KAT6B: variants seen among roughly 807,000 people sequenced by gnomAD.
The protein encoded by KAT6B is histone acetyltransferase KAT6B.
Under a neutral mutation model 187.5 loss-of-function variants are expected in KAT6B, and 10 were observed. That is an observed-to-expected ratio of 0.05 (90% confidence interval 0.03 to 0.09). KAT6B has a LOEUF of 0.09. Ranked by LOEUF, KAT6B falls within the 10% of genes least tolerant of loss-of-function variation. The pLI is 1.00. For synonymous variants in KAT6B, 861 were observed against 926.8 expected (o/e 0.93, Z 1.29); for missense variants, 1,952 against 2,558.9 (o/e 0.76, Z 5.12).
chr10:75,013,161 C>T (rs1443640435), intron 13 of KAT6B, among the ~76,000 whole-genome samples: 4 of 152,108 alleles, frequency 2.6e-5, no homozygotes, highest in Admixed American at 6.6e-5. Flanking sequence ...ATATTTGAGT[C>T]TTTCATCTGT....
Position 75,028,942 on chromosome 10 carries a change from AAGG to A in KAT6B, c.4126_4128del (p.Gly1376del). 7 of 1,612,526 alleles carry A rather than the reference AAGG, an allele frequency of 4.3e-6. No homozygotes were observed. Among genetic ancestry groups the A allele is most frequent in the Non-Finnish European group, 5.9e-6 (7 of 1,179,050 alleles). On this transcript the variant is annotated inframe_deletion, in exon 18 of 18. Coordinates refer to ENST00000287239, the MANE Select transcript of KAT6B (RefSeq NM_012330.4). ...GAAGAAGAGGAAGGGGAAGAAGAAGAAGGAGGAGGAAATGTAGAAAAAGATCCA... is the reference window on the plus strand; with the variant it reads ...GAAGAAGAGGAAGGGGAAGAAGAAGAAGGAGGAAATGTAGAAAAAGATCCA...
chr10:74,985,536 C>T (rs1376993033), intron 12 of KAT6B, among the ~76,000 whole-genome samples: 1 of 152,156 alleles, frequency 6.6e-6, no homozygotes, highest in African/African-American at 2.4e-5. Flanking sequence ...TCCGTTTTCC[C>T]TTTAAGTGGT....
chr10:74,881,188 G>A (rs1844827841), intron 3 of KAT6B, among the ~76,000 whole-genome samples: 1 of 152,160 alleles, frequency 6.6e-6, no homozygotes, highest in Admixed American at 6.5e-5. Context: ...GGGATTATAG[G>A]TGTGAGCCAC....
intron 1 of KAT6B, among the ~76,000 whole-genome samples, chr10:74,830,752 A>ATATATATATATATATATATATATG (rs1840728396): frequency 1.3e-4 from 3 of 22,530 alleles, no homozygotes; most frequent in African/African-American, 9.8e-4. Context: ...ATATATATAT[A>ATATATATATATATATATATATATG]TATATATATA....
chr10:74,971,000 A>C (rs1841814357), intron 6 of KAT6B, among the ~76,000 whole-genome samples: 1 of 152,142 alleles, frequency 6.6e-6, no homozygotes. Flanking sequence ...TTGGTACAAT[A>C]TTTTTACAAG....
intron 3 of KAT6B, among the ~76,000 whole-genome samples, chr10:74,914,424 A>G (rs2132965065): frequency 6.6e-6 from 1 of 152,312 alleles, no homozygotes; most frequent in African/African-American, 2.4e-5. Context: ...AGCTTTCAAC[A>G]TAATTTTTTC....
chr10:74,885,466 G>T (rs1340913890), intron 3 of KAT6B, among the ~76,000 whole-genome samples: 4 of 152,128 alleles, frequency 2.6e-5, no homozygotes, highest in African/African-American at 9.7e-5. Flanking sequence ...GTTGATATTG[G>T]ATAATATTGC....
intron 3 of KAT6B, 41 bp downstream of exon 3, chr10:74,843,519 C>G (rs762366248): frequency 1.2e-6 from 2 of 1,609,446 alleles, no homozygotes; most frequent in Non-Finnish European, 1.7e-6. Context: ...CACTACTGTC[C>G]TTTTGTCTTT....
intron 4 of KAT6B, among the ~76,000 whole-genome samples, chr10:74,967,568 T>TAGA (rs1841567126): frequency 6.6e-6 from 1 of 152,190 alleles, no homozygotes; most frequent in African/African-American, 2.4e-5. Context: ...CATAGAAATT[T>TAGA]AGAACTGTAA....
At position 75,022,187 on chromosome 10, in the gene KAT6B, C is replaced by T. The variant is rs761917382; in HGVS notation, c.3328C>T (p.Pro1110Ser). 5 of 1,613,266 alleles carry T rather than the reference C, an allele frequency of 3.1e-6. No individual in the cohort carries two copies. In the Admixed American group the frequency reaches 8.3e-5, roughly 27 times the overall value. ...EEEEENIQSS[P>S]PRLTKPQSVA... is the part of the protein sequence containing the mutation. ...AGAAGAAGAAAATATTCAAAGCTCTCCCCCAAGATTGACGAAACCACAGTC... is the reference window on the plus strand; with the variant it reads ...AGAAGAAGAAAATATTCAAAGCTCTTCCCCAAGATTGACGAAACCACAGTC... The change falls in exon 16 of 18, where the codon CCC becomes TCC. Residue 1110 changes from proline (P) to serine (S), a missense_variant. Pro to Ser is a moderately conservative substitution (Grantham distance 74). Coordinates refer to ENST00000287239, the MANE Select transcript of KAT6B (RefSeq NM_012330.4).
chr10:74,976,767 C>T (rs1175861647), intron 8 of KAT6B: 2 of 292,900 alleles, frequency 6.8e-6, no homozygotes, highest in Non-Finnish European at 1.3e-5. Context: ...TTTCTCATGA[C>T]AAAGTTCATC....
At chr10:74,873,430 A>G (rs1339210732) in intron 3 of KAT6B, among the ~76,000 whole-genome samples, 5 of 151,846 alleles carry the variant, frequency 3.3e-5, no homozygotes, top group East Asian at 1.9e-4. Flanking sequence ...ATGCCACTGC[A>G]CTTTAGTCTG....
chr10:75,006,742 A>G (rs1404419448), intron 13 of KAT6B, among the ~76,000 whole-genome samples: 2 of 152,108 alleles, frequency 1.3e-5, no homozygotes, highest in African/African-American at 4.8e-5. Flanking sequence ...GCACCTGGCC[A>G]GAAACATCTT....
At position 74,981,934 on chromosome 10, in the gene KAT6B, C is replaced by A. The variant is rs192506542; in HGVS notation, c.2373+6C>A. ...AAGACCTTTCAGTATTTGAGGTAAG[C>A]GCGTGTAAATAAAAAAATTCAGCTT... On this transcript the variant is annotated splice_donor_region_variant and intron_variant, in intron 11 of 17. Transcript: ENST00000287239. 30 of 1,612,938 alleles carry A rather than the reference C, an allele frequency of 1.9e-5. No individual in the cohort carries two copies. Among genetic ancestry groups the A allele is most frequent in the South Asian group, 6.6e-5 (6 of 91,052 alleles).
chr10:74,826,921 T>A (rs1840289757), intron 1 of KAT6B, 136 bp downstream of exon 1: 1 of 146,304 alleles, frequency 6.8e-6, no homozygotes, highest in African/African-American at 2.5e-5. Context: ...CCGCTCGGGG[T>A]CAGGCTGCCC....
Position 75,031,393 on chromosome 10 carries a change from T to G in KAT6B, c.*347T>G, listed in dbSNP as rs1439763879. ...TCAAGCCCCCCCAAATTATCTGTTT[T>G]AATATTGAACCTAGAGCTTTTTTTT... On this transcript the variant is annotated 3_prime_UTR_variant, in exon 18 of 18. Coordinates refer to ENST00000287239, the MANE Select transcript of KAT6B (RefSeq NM_012330.4). 2.5e-6 allele frequency: 1 copy of G among 394,968 alleles called. No individual in the cohort carries two copies. The highest frequency in any genetic ancestry group is 4.6e-6 in the Non-Finnish European group (1 of 215,520). 24.5% of individuals were successfully genotyped at this position (394,968 alleles called of 1,614,324 possible). A position where few individuals can be genotyped will look rare whatever the true frequency, so the allele number is the denominator to read the frequency against.
rs1589624102 is a variant in KAT6B, at chr10:74,920,391, C to T, written c.622-39579C>T. Among the ~76,000 whole-genome samples, 5 of 152,246 alleles carry T rather than the reference C, an allele frequency of 3.3e-5. No homozygotes were observed. In the South Asian group the frequency reaches 1.0e-3, roughly 32 times the overall value. ...TATTTCCTGGATTGGTAAATATAAC[C>T]CCATGATAAAAGTGGCTCTGAGTGT... On this transcript the variant is annotated intron_variant, in intron 3 of 17. Coordinates refer to ENST00000287239, the MANE Select transcript of KAT6B (RefSeq NM_012330.4).
At chr10:74,922,133 A>G (rs1334976364) in intron 3 of KAT6B, among the ~76,000 whole-genome samples, 1 of 150,502 alleles carries the variant, frequency 6.6e-6, no homozygotes, top group East Asian at 1.9e-4. Context: ...TTTTCTTAAA[A>G]TAACTCATGT....
chr10:74,960,554 T>TAA (rs35201520), intron 4 of KAT6B, among the ~76,000 whole-genome samples: 248 of 142,716 alleles, frequency 1.7e-3, no homozygotes, highest in African/African-American at 5.8e-3. Flanking sequence ...TAGTAATCTC[T>TAA]AAAAAAAAAA....
Sources: allele counts gnomAD v4.1 joint callset (sites outside exome capture counted in the v4.1 genomes callset), GRCh38; gene constraint gnomAD v4.1.1; transcripts MANE v1.5; gene names NCBI Gene and HGNC (gene_info 2026-07-23, HGNC 2026-07-21).